Variants in PTBP3 observed in about 807,000 individuals in gnomAD.
PTBP3 encodes the protein polypyrimidine tract binding protein 3.
In PTBP3, 20 loss-of-function variants were observed where a neutral mutation model predicts 58.7. That is an observed-to-expected ratio of 0.34 (90% CI 0.24 to 0.50). The LOEUF (loss-of-function observed/expected upper bound fraction) is 0.50. PTBP3 is among the 20% of genes least tolerant of loss of function. PTBP3 has a pLI of 0.98. For synonymous variants in PTBP3, 185 were observed against 219.8 expected, an observed-to-expected ratio of 0.84 and a Z score of 1.40; for missense variants, 509 against 637.2, an observed-to-expected ratio of 0.80 and a Z score of 2.17.
chr9:112,304,739 A>C (rs562163928), intron 1 of PTBP3, among the ~76,000 whole-genome samples: 1 of 152,190 alleles, frequency 6.6e-6, no homozygotes, highest in African/African-American at 2.4e-5. Flanking sequence ...CTGATTTTTT[A>C]ATTTTTGTAG....
intron 7 of PTBP3, among the ~76,000 whole-genome samples, chr9:112,239,626 G>C (rs1489220091): frequency 6.6e-6 from 1 of 151,910 alleles, no homozygotes; most frequent in Non-Finnish European, 1.5e-5. Flanking sequence ...AGCTACTCAG[G>C]AGGCTGAGGT....
upstream of PTBP3, chr9:112,333,631 CGG>C: frequency 1.3e-6 from 1 of 793,220 alleles, no homozygotes; most frequent in Non-Finnish European, 1.9e-6. Context: ...GGAACAGGGG[CGG>C]GGACCGGGCA....
At chr9:112,324,503 A>G (rs1830077881) in intron 1 of PTBP3, among the ~76,000 whole-genome samples, 1 of 152,216 alleles carries the variant, frequency 6.6e-6, no homozygotes, top group South Asian at 2.1e-4. Flanking sequence ...ATACAAAATT[A>G]GCCAGGCATG....
At chr9:112,344,891 G>C in the PTBP3 span, among the ~76,000 whole-genome samples, 1 of 152,232 alleles carries the variant, frequency 6.6e-6, no homozygotes, top group African/African-American at 2.4e-5. Context: ...TCCACACTTT[G>C]GGAGGCCGAG....
chr9:112,262,194 T>C (rs1240276692), intron 5 of PTBP3, among the ~76,000 whole-genome samples: 2 of 152,080 alleles, frequency 1.3e-5, no homozygotes, highest in Non-Finnish European at 2.9e-5. Flanking sequence ...ATTTTCATGA[T>C]TACCTACAAG....
the PTBP3 span, among the ~76,000 whole-genome samples, chr9:112,359,221 A>G: frequency 6.6e-6 from 1 of 151,664 alleles, no homozygotes; most frequent in Admixed American, 6.6e-5. Context: ...TGAGCGGATC[A>G]CCTGAGGTCA....
chr9:112,283,526 G>A lies in PTBP3; in HGVS notation c.35-7513C>T, dbSNP rs186430209. On this transcript the variant is annotated intron_variant, in intron 2 of 13. Coordinates refer to ENST00000374257, the MANE Select transcript of PTBP3 (RefSeq NM_001163788.4). ...CTCAGATGATTTAGGGTATCTGGCA[G>A]AAGAAATTTCTAAATAGCAAAGTGT... 1.8e-4 allele frequency among the ~76,000 whole-genome samples: 28 copies of A among 152,322 alleles called. 1 individual carries two copies. The highest frequency in any genetic ancestry group is 1.6e-3 in the Admixed American group (25 of 15,290).
At position 112,329,918 on chromosome 9, in the gene PTBP3, T is replaced by A. The variant is rs924368959; in HGVS notation, c.-52+3552A>T. On this transcript the variant is annotated intron_variant, in intron 1 of 13. Transcript: ENST00000374257. ...CTGGAGTGCAGTGACACGGTCACAC[T>A]CACTGCAGCCTTGACTTCCCGGGCT... 2.7e-5 allele frequency among the ~76,000 whole-genome samples: 4 copies of A among 145,608 alleles called. No homozygotes were observed. The East Asian group carries it at 8.2e-4, about 30-fold the overall frequency.
chr9:112,262,345 C>A, intron 5 of PTBP3, 90 bp downstream of exon 5: 2 of 1,098,472 alleles, frequency 1.8e-6, no homozygotes, highest in South Asian at 2.0e-5. Context: ...TCAACAAAAC[C>A]AATAAGCTAA....
the PTBP3 span, among the ~76,000 whole-genome samples, chr9:112,367,787 T>C: frequency 2.0e-5 from 3 of 152,172 alleles, no homozygotes; most frequent in Non-Finnish European, 2.9e-5. Context: ...TTATATTTAA[T>C]CTATTTGGGA....
At chr9:112,254,978 A>G (rs1297179952) in intron 5 of PTBP3, among the ~76,000 whole-genome samples, 1 of 152,220 alleles carries the variant, frequency 6.6e-6, no homozygotes, top group Non-Finnish European at 1.5e-5. Context: ...AGTGTTCATC[A>G]ATGAATAAAT....
intron 7 of PTBP3, among the ~76,000 whole-genome samples, chr9:112,235,138 A>G (rs1392764286): frequency 6.6e-6 from 1 of 152,186 alleles, no homozygotes; most frequent in African/African-American, 2.4e-5. Context: ...GTTTTGGACT[A>G]GCCTGAGATT....
At chr9:112,259,583 T>C (rs1836508307) in intron 5 of PTBP3, among the ~76,000 whole-genome samples, 1 of 152,150 alleles carries the variant, frequency 6.6e-6, no homozygotes, top group African/African-American at 2.4e-5. Context: ...TCTGCTCAGA[T>C]ATCATATTGC....
chr9:112,275,975 G>A lies in PTBP3; in HGVS notation c.73C>T (p.Pro25Ser), dbSNP rs1827593413. Residue 25 changes from proline (P) to serine (S), a missense_variant, in exon 3 of 14, where the codon CCT (proline) becomes TCT (serine). Around this residue, in one of 4 missense-constraint regions of PTBP3, gnomAD observed 212 missense variants for 215.3 expected, o/e 0.98. Coordinates refer to ENST00000374257, the MANE Select transcript of PTBP3 (RefSeq NM_001163788.4). ...AGAACACGGGAAGGCGAACAGGGAG[G>A]TCTATCTCGTTTAAATTTCTTGCTG... is the stretch of plus-strand genomic sequence containing the variant. ...NDSKKFKRDR[P>S]PCSPSRVLHL... The A allele has an allele frequency of 1.9e-6, 3 of 1,613,180 alleles. No homozygotes were observed. Among genetic ancestry groups the A allele is most frequent in the African/African-American group, 1.3e-5 (1 of 74,894 alleles).
the PTBP3 span, among the ~76,000 whole-genome samples, chr9:112,358,924 T>C: frequency 6.6e-6 from 1 of 152,164 alleles, no homozygotes; most frequent in African/African-American, 2.4e-5. Context: ...AGCCTCGACC[T>C]CCTGGGCTCA....
rs369208342 is a variant in PTBP3 at position 112,302,582 on chromosome 9, C to CTTTTTTT, written c.-51-4673_-51-4667dup. 8.4e-3 allele frequency among the ~76,000 whole-genome samples: 923 copies of CTTTTTTT among 110,316 alleles called. 26 individuals carry two copies. The highest frequency in any genetic ancestry group is 0.015 in the Middle Eastern group (3 of 202). 72.4% of individuals were successfully genotyped at this position (110,316 alleles called of 152,430 possible). On this transcript the variant is annotated intron_variant, in intron 1 of 13. Coordinates refer to ENST00000374257, the MANE Select transcript of PTBP3 (RefSeq NM_001163788.4). The stretch of plus-strand genomic sequence containing the variant: ...CCCAAAAGCTGACTATATTCTTCAT[C>CTTTTTTT]TTTTTTTTTTTTTTTTTTTTTTTGG...
At chr9:112,301,180 A>T (rs1268201290) in intron 1 of PTBP3, among the ~76,000 whole-genome samples, 4 of 152,108 alleles carry the variant, frequency 2.6e-5, no homozygotes, top group African/African-American at 9.7e-5. Flanking sequence ...AAGACAACCC[A>T]TTGGATTTGA....
At chr9:112,327,313 C>G (rs1291428433) in intron 1 of PTBP3, among the ~76,000 whole-genome samples, 1 of 152,068 alleles carries the variant, frequency 6.6e-6, no homozygotes, top group Non-Finnish European at 1.5e-5. Context: ...CGCCTGTAAT[C>G]CCAGCACTTT....
chr9:112,235,435 T>C (rs971315467), intron 7 of PTBP3, among the ~76,000 whole-genome samples: 2 of 152,138 alleles, frequency 1.3e-5, no homozygotes, highest in African/African-American at 2.4e-5. Flanking sequence ...CCAGATATTA[T>C]GTAATTGAAG....
Sources: allele counts gnomAD v4.1 joint callset (sites outside exome capture counted in the v4.1 genomes callset), GRCh38; gene constraint gnomAD v4.1.1; regional missense constraint gnomAD v4.1.1; transcripts MANE v1.5; gene names NCBI Gene and HGNC (gene_info 2026-07-23, HGNC 2026-07-21).